The following EPC1 variants were observed in gnomAD, a reference collection of about 807,000 sequenced individuals.
EPC1 encodes enhancer of polycomb homolog 1.
EPC1 carries 12 observed loss-of-function variants against 98.4 expected under a neutral mutation model. That is an observed-to-expected ratio of 0.12 (90% CI 0.08 to 0.20). The LOEUF is 0.20. Among genes scored for constraint, EPC1 ranks in the 10% least tolerant of loss-of-function variants. The pLI is 1.00. For synonymous variants in EPC1, 357 were observed against 363.9 expected, an observed-to-expected ratio of 0.98 and a Z score of 0.21; for missense variants, 729 against 990.5, an observed-to-expected ratio of 0.74 and a Z score of 3.54.
intron 6 of EPC1, among the ~76,000 whole-genome samples, chr10:32,287,944 G>A (rs1359017696): frequency 6.6e-6 from 1 of 152,160 alleles, no homozygotes. Flanking sequence ...CAGCATGTTC[G>A]AAACATGTAT....
At chr10:32,339,119 C>T (rs1377355552) in intron 1 of EPC1, among the ~76,000 whole-genome samples, 1 of 152,142 alleles carries the variant, frequency 6.6e-6, no homozygotes, top group African/African-American at 2.4e-5. Context: ...ACTATCCATG[C>T]ACCTTTACTT....
chr10:32,374,939 A>T (rs1839841531), intron 1 of EPC1, among the ~76,000 whole-genome samples: 1 of 152,200 alleles, frequency 6.6e-6, no homozygotes. Context: ...TATCTTTTTC[A>T]TAAAAATATT....
rs1258204356 is a variant in EPC1 at position 32,272,910 on chromosome 10, G to C, written c.1863+253C>G. On this transcript the variant is annotated intron_variant, in intron 11 of 13. Coordinates refer to ENST00000319778, the MANE Select transcript of EPC1 (RefSeq NM_001272004.3). ...TTATATATTCAAGAGGTACATTAAT[G>C]GACTACAGGTCAGACGGGAAGACAG... 1.0e-5 allele frequency: 9 copies of C among 890,412 alleles called. No homozygotes were observed. In the East Asian group the frequency reaches 1.2e-4, roughly 12 times the overall value. The allele number at this position is 890,412 out of a possible 1,614,324, so 55.2% of individuals were successfully genotyped here.
intron 1 of EPC1, among the ~76,000 whole-genome samples, chr10:32,327,398 G>C (rs555706521): frequency 1.3e-5 from 2 of 152,180 alleles, no homozygotes; most frequent in Non-Finnish European, 2.9e-5. Flanking sequence ...ACAGTAGAGT[G>C]ACTATTGCTA....
chr10:32,284,804 A>G lies in EPC1; in HGVS notation c.1638T>C (p.Cys546=), dbSNP rs751591323. 6.2e-7 allele frequency: 1 copy of G among 1,614,186 alleles called. No homozygotes were observed. The highest frequency in any genetic ancestry group is 8.5e-7 in the Non-Finnish European group (1 of 1,180,024). ...GGTTTATACTCCTATATAATTTTCT[A>G]CAGGAGAGTTCATCATTGTCACTGT... ...LHDSDNDELS[C]RKLYRSINRT... The change falls in exon 10 of 14, where the codon TGT becomes TGC. Residue 546 remains cysteine (C), a synonymous_variant. Transcript: ENST00000319778.
rs771725312 is a variant in EPC1, at chr10:32,287,191, G to A, written c.1059C>T (p.Pro353=). ...KVLPSSAAAT[P]QQTSPAALPV... ...GCAGTGCAGCAGGACTCGTCTGTTG[G>A]GGAGTAGCAGCGGCAGACGATGGTA... The change falls in exon 7 of 14, where the codon CCC becomes CCT. Residue 353 remains proline, a synonymous_variant. Transcript: ENST00000319778. 2 of 1,614,146 alleles carry A rather than the reference G, an allele frequency of 1.2e-6. No homozygotes were observed. Among genetic ancestry groups the A allele is most frequent in the African/African-American group, 2.7e-5 (2 of 75,024 alleles).
Position 32,378,371 on chromosome 10 carries a change from A to T in EPC1, c.3+120T>A, listed in dbSNP as rs1242943323. Reference sequence around the variant, plus strand: ...CCAGGCAAGATTAGGTAGAACGTGCAGAGATCAAAGCTAAAGAAAAATACA... The same window carrying T: ...CCAGGCAAGATTAGGTAGAACGTGCTGAGATCAAAGCTAAAGAAAAATACA... On this transcript the variant is annotated intron_variant, in intron 1 of 13. Transcript: ENST00000375110. 4.1e-6 allele frequency: 3 copies of T among 731,904 alleles called. No homozygotes were observed. In the African/African-American group the frequency reaches 5.4e-5, roughly 13 times the overall value. The allele number at this position is 731,904 out of a possible 1,614,324, so 45.3% of individuals were successfully genotyped here.
At chr10:32,293,497 G>A in intron 3 of EPC1, 95 bp downstream of exon 3, 4 of 1,181,180 alleles carry the variant, frequency 3.4e-6, no homozygotes, top group Non-Finnish European at 4.7e-6. Context: ...AAGCCTGACT[G>A]ATTACCCCCA....
intron 1 of EPC1, among the ~76,000 whole-genome samples, chr10:32,328,300 T>TAC (rs1203270151): frequency 6.6e-6 from 1 of 151,982 alleles, no homozygotes; most frequent in Non-Finnish European, 1.5e-5. Context: ...GACACATAAA[T>TAC]ACACACACAC....
chr10:32,364,270 G>A (rs1261470028), intron 1 of EPC1, among the ~76,000 whole-genome samples: 1 of 151,748 alleles, frequency 6.6e-6, no homozygotes, highest in Non-Finnish European at 1.5e-5. Flanking sequence ...TTGTCCTCAG[G>A]TGATCTGCCC....
At chr10:32,306,112 A>C (rs927050713) in intron 1 of EPC1, among the ~76,000 whole-genome samples, 181 bp from the exon 2 acceptor site, 3 of 152,254 alleles carry the variant, frequency 2.0e-5, no homozygotes, top group Non-Finnish European at 2.9e-5. Flanking sequence ...GTAGAAACAA[A>C]AAAAATTTTG....
rs1292857535 is a variant in EPC1, at chr10:32,293,155, C to T, written c.499G>A (p.Asp167Asn). 2.5e-6 allele frequency: 4 copies of T among 1,613,098 alleles called. No individual in the cohort carries two copies. ...TAAACTTCTCTAATTAGTTCATCAT[C>T]TTCTTTTAGCAGTAGTTTGGCTTCC... ...LQEAKLLLKE[D>N]DELIREVYEY... Residue 167 changes from aspartate (D) to asparagine (N), a missense_variant, in exon 4 of 14, where the codon GAT (aspartate) becomes AAT (asparagine). Physicochemically the swap from Asp to Asn is conservative, Grantham distance 23. Coordinates refer to ENST00000319778, the MANE Select transcript of EPC1 (RefSeq NM_001272004.3).
At chr10:32,328,724 C>G (rs1367313298) in intron 1 of EPC1, among the ~76,000 whole-genome samples, 1 of 152,180 alleles carries the variant, frequency 6.6e-6, no homozygotes, top group Non-Finnish European at 1.5e-5. Context: ...CCTTGTCACA[C>G]GGGGCTGTGG....
chr10:32,278,186 G>A (rs890388267), intron 10 of EPC1, among the ~76,000 whole-genome samples: 15 of 151,076 alleles, frequency 9.9e-5, no homozygotes, highest in African/African-American at 3.7e-4. Flanking sequence ...GATTACAGGC[G>A]TGTGCCACCA....
intron 1 of EPC1, among the ~76,000 whole-genome samples, chr10:32,308,095 T>C (rs1031124778): frequency 6.6e-6 from 1 of 152,182 alleles, no homozygotes; most frequent in Admixed American, 6.5e-5. Context: ...GAACAGAATA[T>C]GCCAATGTCG....
At chr10:32,291,064 A>C in intron 6 of EPC1, 99 bp downstream of exon 6, 1 of 1,130,882 alleles carries the variant, frequency 8.8e-7, no homozygotes, top group Non-Finnish European at 1.3e-6. Flanking sequence ...GGCGTGAGCC[A>C]CTGTGCCCGG....
chr10:32,321,414 A>G (rs182118594), intron 1 of EPC1, among the ~76,000 whole-genome samples: 10 of 152,022 alleles, frequency 6.6e-5, no homozygotes, highest in Admixed American at 5.2e-4. Context: ...GGCTATTAAC[A>G]AGCACAAACG....
At chr10:32,351,978 C>T (rs1229173201), upstream of EPC1, among the ~76,000 whole-genome samples, 1 of 150,776 alleles carries the variant, frequency 6.6e-6, no homozygotes, top group Non-Finnish European at 1.5e-5. Flanking sequence ...TCAGGTGATC[C>T]ACCCACCTCG....
intron 13 of EPC1, among the ~76,000 whole-genome samples, chr10:32,269,659 T>A (rs1041888202): frequency 2.6e-5 from 4 of 152,224 alleles, no homozygotes; most frequent in African/African-American, 9.6e-5. Context: ...ACATGTGATA[T>A]GAAAATTCTA....
Sources: allele counts gnomAD v4.1 joint callset (sites outside exome capture counted in the v4.1 genomes callset), GRCh38; gene constraint gnomAD v4.1.1; transcripts MANE v1.5; gene names NCBI Gene and HGNC (gene_info 2026-07-23, HGNC 2026-07-21).